Variants in GALNT11 observed in about 807,000 individuals in gnomAD.
The protein encoded by GALNT11 is UDP-GalNAc:polypeptide N-acetylgalactosaminyltransferase 11.
GALNT11 carries 47 observed loss-of-function variants against 72.7 expected under a neutral mutation model. The observed-to-expected ratio is 0.65, with a 90% CI of 0.51 to 0.82. The LOEUF (loss-of-function observed/expected upper bound fraction) is 0.82, where lower values mean the gene tolerates loss of function less well. Ranked by LOEUF, GALNT11 falls within the 40% of genes least tolerant of loss-of-function variation. GALNT11 has a pLI of 0.00. For missense variants in GALNT11, 677 were observed against 778.4 expected (o/e 0.87, Z 1.55); for synonymous variants, 270 against 286.6 (o/e 0.94, Z 0.58).
chr7:152,078,197 G>A (rs541118535), intron 1 of GALNT11, among the ~76,000 whole-genome samples: 51 of 152,116 alleles, frequency 3.4e-4, no homozygotes, highest in African/African-American at 1.2e-3. Context: ...GAGGGAGGGG[G>A]GTAGAAGGAA....
At chr7:152,056,819 G>A (rs756972199) in intron 1 of GALNT11, among the ~76,000 whole-genome samples, 8 of 151,722 alleles carry the variant, frequency 5.3e-5, no homozygotes, top group Admixed American at 1.3e-4. Context: ...TTAAAGGAAC[G>A]GTAGTTTGTT....
chr7:152,038,570 G>A (rs527653432), intron 1 of GALNT11, among the ~76,000 whole-genome samples: 24 of 152,344 alleles, frequency 1.6e-4, no homozygotes, highest in African/African-American at 5.5e-4. Flanking sequence ...TTTATGGCCA[G>A]TTTTGGGGCC....
At chr7:152,035,090 A>G (rs756824896) in intron 1 of GALNT11, among the ~76,000 whole-genome samples, 49 of 152,152 alleles carry the variant, frequency 3.2e-4, no homozygotes, top group East Asian at 3.9e-4. Context: ...CCGCACTTAT[A>G]TGAATACAAG....
intron 1 of GALNT11, among the ~76,000 whole-genome samples, chr7:152,091,624 C>T (rs1001941624): frequency 1.3e-5 from 2 of 152,148 alleles, no homozygotes; most frequent in African/African-American, 2.4e-5. Context: ...GTGATCTGCC[C>T]ACTTTAGCCT....
chr7:152,078,576 A>G (rs190923535), intron 1 of GALNT11, among the ~76,000 whole-genome samples: 2 of 152,332 alleles, frequency 1.3e-5, no homozygotes, highest in Non-Finnish European at 2.9e-5. Context: ...GAATTAAGAG[A>G]TTCTTAATAT....
chr7:152,058,350 G>A (rs538140468), intron 1 of GALNT11, among the ~76,000 whole-genome samples: 2 of 152,012 alleles, frequency 1.3e-5, no homozygotes, highest in South Asian at 4.2e-4. Context: ...GTTTTGTTTT[G>A]TTTTGTTTTT....
chr7:152,106,449 CA>C (rs564447211), intron 5 of GALNT11, among the ~76,000 whole-genome samples: 94 of 147,662 alleles, frequency 6.4e-4, no homozygotes, highest in African/African-American at 2.0e-3. Flanking sequence ...AAGCAATTAA[CA>C]AAAAAAAAAG....
intron 1 of GALNT11, among the ~76,000 whole-genome samples, chr7:152,075,810 A>T (rs2084927267): frequency 6.6e-6 from 1 of 151,522 alleles, no homozygotes; most frequent in East Asian, 1.9e-4. Flanking sequence ...AAAAAAAAAA[A>T]AGACACTTTG....
At position 152,108,296 on chromosome 7, in the gene GALNT11, G is replaced by T. The variant is rs371923465; in HGVS notation, c.962+9G>T. The T allele has an allele frequency of 6.3e-7, 1 of 1,594,988 alleles. No individual in the cohort carries two copies. Among genetic ancestry groups the T allele is most frequent in the African/African-American group, 1.3e-5 (1 of 74,636 alleles). ...GCCACTGCACCAATAAAGTAAGATC[G>T]CTCCTTTGTTTGACAAATTCCTACC... On this transcript the variant is annotated intron_variant, in intron 6 of 11. Transcript: ENST00000430044.
chr7:152,098,513 G>C (rs931935288), intron 2 of GALNT11, among the ~76,000 whole-genome samples: 1 of 151,738 alleles, frequency 6.6e-6, no homozygotes, highest in Non-Finnish European at 1.5e-5. Flanking sequence ...AATTGAAAAG[G>C]GTCCTCTGGC....
At chr7:152,060,680 G>A (rs2083953533) in intron 1 of GALNT11, among the ~76,000 whole-genome samples, 1 of 150,682 alleles carries the variant, frequency 6.6e-6, no homozygotes, top group Middle Eastern at 3.5e-3. Flanking sequence ...GTTTCCAAGT[G>A]TTCTCATTGT....
intron 1 of GALNT11, among the ~76,000 whole-genome samples, chr7:152,085,417 AATTTG>A (rs1167055853): frequency 6.6e-6 from 1 of 152,186 alleles, no homozygotes; most frequent in African/African-American, 2.4e-5. Flanking sequence ...TGATTGAAAG[AATTTG>A]TCACTAGTTG....
intron 1 of GALNT11, among the ~76,000 whole-genome samples, chr7:152,078,074 C>A (rs2085088327): frequency 1.3e-5 from 2 of 150,976 alleles, no homozygotes; most frequent in Non-Finnish European, 2.9e-5. Context: ...TCAGAAGAAA[C>A]CTCTCTGAAT....
At chr7:152,121,065 GTCT>G in intron 11 of GALNT11, 97 bp downstream of exon 11, 1 of 1,424,682 alleles carries the variant, frequency 7.0e-7, no homozygotes, top group East Asian at 2.5e-5. Context: ...CTTGGGGGTG[GTCT>G]TCTCAGTCTG....
intron 8 of GALNT11, among the ~76,000 whole-genome samples, chr7:152,115,538 G>A (rs2088749573): frequency 6.6e-6 from 1 of 152,208 alleles, no homozygotes; most frequent in Admixed American, 6.5e-5. Flanking sequence ...AGTTGTTTGA[G>A]TTATGGGCGG....
At chr7:152,060,183 T>C (rs1023095934) in intron 1 of GALNT11, among the ~76,000 whole-genome samples, 1 of 152,230 alleles carries the variant, frequency 6.6e-6, no homozygotes, top group African/African-American at 2.4e-5. Flanking sequence ...GCAGCTTCCT[T>C]ACTTTTCTCA....
chr7:152,025,920 C>T, intron 1 of GALNT11, 36 bp downstream of exon 1: 1 of 164,270 alleles, frequency 6.1e-6, no homozygotes, highest in Middle Eastern at 5.7e-4. Flanking sequence ...CCCGGCGTCC[C>T]TCAGCACCTC....
chr7:152,060,970 A>G (rs2083975864), intron 1 of GALNT11, among the ~76,000 whole-genome samples: 1 of 152,150 alleles, frequency 6.6e-6, no homozygotes. Flanking sequence ...ATGATTTATA[A>G]TCCTTTGGGT....
In GALNT11 at chr7:152,088,594, A is replaced by C. The variant is rs73161883; in HGVS notation, c.-38-5596A>C. ...CTTTCCTTAAACTGCCCTTATTTTG[A>C]TATCAGAGTGGTAACAGCCTCAGAA... On this transcript the variant is annotated intron_variant, in intron 1 of 11. Coordinates refer to ENST00000430044, the MANE Select transcript of GALNT11 (RefSeq NM_022087.4). 5.1e-3 allele frequency among the ~76,000 whole-genome samples: 770 copies of C among 150,842 alleles called. 2 individuals are homozygous for C. Among genetic ancestry groups the C allele is most frequent in the Non-Finnish European group, 9.6e-3 (653 of 67,820 alleles).
Sources: gnomAD v4.1 joint callset for allele counts (sites outside exome capture counted in the v4.1 genomes callset) on GRCh38, gnomAD v4.1.1 for gene constraint, MANE v1.5 for transcripts, NCBI Gene and HGNC (gene_info 2026-07-23, HGNC 2026-07-21) for gene names.